Variants in EPB41 observed in about 807,000 individuals in gnomAD.
EPB41 encodes erythrocyte membrane protein band 4.1, also known as protein 4.1.
EPB41 carries 65 observed loss-of-function variants against 108.0 expected under a neutral mutation model. The observed-to-expected ratio is 0.60, with a 90% CI of 0.49 to 0.74. The LOEUF is 0.74. EPB41 is among the 30% of genes least tolerant of loss of function. The pLI is 0.00. For missense variants in EPB41, 875 were observed against 1,037.0 expected (o/e 0.84, Z 2.15); for synonymous variants, 336 against 358.9 (o/e 0.94, Z 0.72).
chr1:28,944,545 T>G lies in EPB41; in HGVS notation c.-8+29777T>G, dbSNP rs894673326. Among the ~76,000 whole-genome samples, 3 of 110,580 alleles carry G rather than the reference T, an allele frequency of 2.7e-5. No individual in the cohort carries two copies. The Admixed American group carries it at 3.0e-4, about 11-fold the overall frequency. The allele number at this position is 110,580 out of a possible 152,430, so 72.5% of individuals were successfully genotyped here. A position where few individuals can be genotyped will look rare whatever the true frequency, so the allele number is the denominator to read the frequency against. On this transcript the variant is annotated intron_variant, in intron 1 of 20. Coordinates refer to ENST00000343067, the MANE Select transcript of EPB41 (RefSeq NM_001376013.1). Reference sequence around the variant, plus strand: ...AACTCTCAGATCTGGTTTTTTTTTTTTTTTTTTTTTTTGAGATGTCTTGCT... The same window carrying G: ...AACTCTCAGATCTGGTTTTTTTTTTGTTTTTTTTTTTTGAGATGTCTTGCT...
rs553435460 is a variant in EPB41, at chr1:28,958,730, G to A, written c.-7-28701G>A. On this transcript the variant is annotated intron_variant, in intron 1 of 20. Coordinates refer to ENST00000343067, the MANE Select transcript of EPB41 (RefSeq NM_001376013.1). ...GCTACTCGGGAGGCTGAGGTGGGAG[G>A]ATTGCTTGAGCCTGGGAGGTGAAGG... Among the ~76,000 whole-genome samples, 17 of 145,872 alleles carry A rather than the reference G, an allele frequency of 1.2e-4. No homozygotes were observed. The South Asian group carries it at 2.4e-3, about 20-fold the overall frequency.
intron 10 of EPB41, among the ~76,000 whole-genome samples, chr1:29,036,699 CAG>C (rs1440937290): frequency 2.3e-5 from 3 of 132,746 alleles, no homozygotes; most frequent in East Asian, 2.3e-4. Flanking sequence ...TTTTTCGAGA[CAG>C]AGTCTCGCTC....
intron 1 of EPB41, among the ~76,000 whole-genome samples, chr1:28,986,380 C>T (rs1361243807): frequency 6.6e-6 from 1 of 152,100 alleles, no homozygotes; most frequent in Non-Finnish European, 1.5e-5. Flanking sequence ...TGACAATGCT[C>T]GTTGGCTGTT....
chr1:29,006,462 C>T (rs1419765722), intron 4 of EPB41, among the ~76,000 whole-genome samples: 2 of 152,044 alleles, frequency 1.3e-5, no homozygotes, highest in Non-Finnish European at 2.9e-5. Context: ...TGGTCTCGAT[C>T]TCCTGACCTC....
chr1:28,979,361 C>G (rs1353110018), intron 1 of EPB41, among the ~76,000 whole-genome samples: 1 of 151,456 alleles, frequency 6.6e-6, no homozygotes, highest in Non-Finnish European at 1.5e-5. Context: ...GAAGACCATA[C>G]AAGAATTGAA....
At chr1:28,940,584 G>A (rs1312847997) in intron 1 of EPB41, among the ~76,000 whole-genome samples, 1 of 152,064 alleles carries the variant, frequency 6.6e-6, no homozygotes, top group Non-Finnish European at 1.5e-5. Flanking sequence ...CCCGGGAGGC[G>A]GAGGTTGCAG....
At chr1:28,931,362 A>C (rs2093730752) in intron 1 of EPB41, among the ~76,000 whole-genome samples, 1 of 143,938 alleles carries the variant, frequency 6.9e-6, no homozygotes, top group Non-Finnish European at 1.5e-5. Flanking sequence ...ACAGAGTAAG[A>C]CTCTGTCATT....
At chr1:29,080,528 C>T (rs1276351799) in intron 16 of EPB41, among the ~76,000 whole-genome samples, 1 of 151,926 alleles carries the variant, frequency 6.6e-6, no homozygotes, top group Non-Finnish European at 1.5e-5. Flanking sequence ...CCCACCTCAG[C>T]CTCCCAAGTT....
At position 28,922,878 on chromosome 1, in the gene EPB41, C is replaced by T. The variant is rs180902461; in HGVS notation, c.-8+8110C>T. On this transcript the variant is annotated intron_variant, in intron 1 of 20. Transcript: ENST00000343067. Reference sequence around the variant, plus strand: ...TCCTGACCTCATGATCCGCCTGCCTCGGCCTCCCAAAGTGCTGGAATTACA... The same window carrying T: ...TCCTGACCTCATGATCCGCCTGCCTTGGCCTCCCAAAGTGCTGGAATTACA... Among the ~76,000 whole-genome samples the T allele has an allele frequency of 4.3e-3, 650 of 151,674 alleles. 4 individuals carry two copies. The highest frequency in any genetic ancestry group is 0.015 in the African/African-American group (617 of 41,376).
At chr1:29,112,577 A>G (rs1669540502) in intron 19 of EPB41, 129 bp downstream of exon 19, 2 of 740,018 alleles carry the variant, frequency 2.7e-6, no homozygotes, top group African/African-American at 3.5e-5. Context: ...AATTGAGAAG[A>G]AAGACAAAGA....
intron 4 of EPB41, among the ~76,000 whole-genome samples, chr1:29,007,685 A>G (rs1020794712): frequency 6.6e-6 from 1 of 152,014 alleles, no homozygotes; most frequent in Non-Finnish European, 1.5e-5. Flanking sequence ...CCCTCCTTGA[A>G]ACTTCCTATT....
rs1204360078 is a variant in EPB41, at chr1:28,982,624, A to T, written c.-7-4807A>T. ...GAACTTGCCCATTTCGGCAGCAACC[A>T]CTCGGGCCTACAGCAAAAAGCCCAT... On this transcript the variant is annotated intron_variant, in intron 1 of 20. Coordinates refer to ENST00000343067, the MANE Select transcript of EPB41 (RefSeq NM_001376013.1). 9.0e-6 allele frequency: 10 copies of T among 1,111,756 alleles called. No individual in the cohort carries two copies. The Admixed American group carries it at 1.4e-4, about 15-fold the overall frequency. The allele number at this position is 1,111,756 out of a possible 1,614,324, so 68.9% of individuals were successfully genotyped here.
upstream of EPB41, chr1:28,911,266 GT>G: frequency 1.4e-6 from 1 of 694,192 alleles, no homozygotes; most frequent in Non-Finnish European, 1.8e-6. Context: ...GTACTTTACA[GT>G]TTACAAAGCC....
At chr1:29,070,543 T>C in intron 16 of EPB41, 1 of 1,232,154 alleles carries the variant, frequency 8.1e-7, no homozygotes, top group Non-Finnish European at 1.0e-6. Context: ...CTTTTCCATC[T>C]CCTCGTATTC....
chr1:29,098,499 T>A (rs1664055126), intron 17 of EPB41, among the ~76,000 whole-genome samples: 1 of 151,942 alleles, frequency 6.6e-6, no homozygotes, highest in African/African-American at 2.4e-5. Flanking sequence ...CTGGCCTAAA[T>A]TTTTTTTAAA....
intron 1 of EPB41, among the ~76,000 whole-genome samples, chr1:28,945,829 G>A (rs1252242299): frequency 1.3e-5 from 2 of 152,140 alleles, no homozygotes; most frequent in Non-Finnish European, 2.9e-5. Flanking sequence ...AATTCTGTTG[G>A]GCTAGCTGAA....
chr1:29,052,847 C>T (rs1644753997), intron 11 of EPB41, among the ~76,000 whole-genome samples: 1 of 152,090 alleles, frequency 6.6e-6, no homozygotes, highest in Non-Finnish European at 1.5e-5. Flanking sequence ...GATCTTGTCT[C>T]CCCTGAATTC....
intron 8 of EPB41, among the ~76,000 whole-genome samples, chr1:29,031,635 G>A (rs2096790316): frequency 6.6e-6 from 1 of 152,138 alleles, no homozygotes; most frequent in Non-Finnish European, 1.5e-5. Flanking sequence ...AGTTCTCCAG[G>A]TTGTTCTGAT....
chr1:28,906,501 G>C (rs2091837880), intron 1 of EPB41, among the ~76,000 whole-genome samples: 1 of 152,158 alleles, frequency 6.6e-6, no homozygotes, highest in Non-Finnish European at 1.5e-5. Context: ...GGGTCATTAG[G>C]CTCATTCCAG....
Sources: allele counts gnomAD v4.1 joint callset (sites outside exome capture counted in the v4.1 genomes callset), GRCh38; gene constraint gnomAD v4.1.1; transcripts MANE v1.5; gene names NCBI Gene and HGNC (gene_info 2026-07-23, HGNC 2026-07-21).